Variants in CEP128 observed in about 807,000 individuals in gnomAD.
The protein encoded by CEP128 is centrosomal protein 128kDa.
A neutral mutation model predicts 156.7 loss-of-function variants in CEP128; 132 were observed. The ratio of observed to expected loss-of-function variants is 0.84; its 90% confidence interval spans 0.73 to 0.97. The LOEUF (loss-of-function observed/expected upper bound fraction) is 0.97, where lower values mean the gene tolerates loss of function less well. CEP128 is among the 50% of genes least tolerant of loss of function. CEP128 has a pLI of 0.00. For synonymous variants in CEP128, 469 were observed against 448.9 expected, an observed-to-expected ratio of 1.04 and a Z score of -0.57; for missense variants, 1,252 against 1,281.9, an observed-to-expected ratio of 0.98 and a Z score of 0.36.
At chr14:80,869,224 C>T (rs1254325783) in intron 8 of CEP128, among the ~76,000 whole-genome samples, 1 of 151,862 alleles carries the variant, frequency 6.6e-6, no homozygotes, top group Non-Finnish European at 1.5e-5. Flanking sequence ...TCATGTTAGG[C>T]CACAAAACAA....
intron 19 of CEP128, among the ~76,000 whole-genome samples, chr14:80,691,693 C>G (rs1159294959): frequency 6.6e-6 from 1 of 152,106 alleles, no homozygotes; most frequent in East Asian, 1.9e-4. Flanking sequence ...AACTGCACAC[C>G]TCTAGAGTTG....
intron 21 of CEP128, among the ~76,000 whole-genome samples, chr14:80,543,003 T>C (rs1889832867): frequency 6.6e-6 from 1 of 152,210 alleles, no homozygotes; most frequent in African/African-American, 2.4e-5. Flanking sequence ...CATTTTCCAT[T>C]ACTCCACACA....
At chr14:80,560,848 T>G (rs1467972866) in intron 20 of CEP128, among the ~76,000 whole-genome samples, 1 of 152,162 alleles carries the variant, frequency 6.6e-6, no homozygotes, top group East Asian at 1.9e-4. Context: ...CAGCCTATTG[T>G]GGGACCTTGT....
At chr14:80,748,168 T>C (rs1941011254) in intron 18 of CEP128, among the ~76,000 whole-genome samples, 1 of 152,158 alleles carries the variant, frequency 6.6e-6, no homozygotes, top group African/African-American at 2.4e-5. Flanking sequence ...ACTGGCTAAA[T>C]GTAGGAAATC....
intron 19 of CEP128, among the ~76,000 whole-genome samples, chr14:80,643,325 A>T (rs1157977476): frequency 3.9e-5 from 6 of 152,184 alleles, no homozygotes; most frequent in Admixed American, 3.9e-4. Flanking sequence ...GGCCATGCCC[A>T]TCAATAATGG....
intron 9 of CEP128, among the ~76,000 whole-genome samples, chr14:80,855,527 G>T (rs1029689442): frequency 6.6e-6 from 1 of 151,822 alleles, no homozygotes; most frequent in African/African-American, 2.4e-5. Context: ...TGCAAAATAT[G>T]AATATGAATA....
At chr14:80,657,901 C>T (rs1157672985) in intron 19 of CEP128, among the ~76,000 whole-genome samples, 1 of 152,074 alleles carries the variant, frequency 6.6e-6, no homozygotes, top group Non-Finnish European at 1.5e-5. Context: ...TAGCAGGATA[C>T]TAAAATGTAC....
Position 80,844,849 on chromosome 14 carries a change from G to C in CEP128, c.763-4081C>G, listed in dbSNP as rs186494370. Among the ~76,000 whole-genome samples, 29 of 147,838 alleles carry C rather than the reference G, an allele frequency of 2.0e-4. No individual in the cohort carries two copies. In the East Asian group the frequency reaches 3.9e-3, roughly 20 times the overall value. ...AGGAATTATCTTGGTGGAAGAGATG[G>C]ATGCTTTTTCTGACCTATTTTCTCC... On this transcript the variant is annotated intron_variant, in intron 9 of 24. Coordinates refer to ENST00000555265, the MANE Select transcript of CEP128 (RefSeq NM_152446.5).
intron 19 of CEP128, among the ~76,000 whole-genome samples, chr14:80,722,577 G>C (rs542197549): frequency 1.4e-4 from 21 of 151,264 alleles, no homozygotes; most frequent in African/African-American, 4.4e-4. Context: ...ATATTTTGCC[G>C]TTTTCAAGCT....
chr14:80,578,166 T>C (rs1566790444), intron 20 of CEP128, among the ~76,000 whole-genome samples: 1 of 152,214 alleles, frequency 6.6e-6, no homozygotes, highest in African/African-American at 2.4e-5. Flanking sequence ...CTGATTTTTA[T>C]AGTCTTCACT....
intron 19 of CEP128, among the ~76,000 whole-genome samples, chr14:80,584,638 T>C (rs1469327783): frequency 6.6e-6 from 1 of 152,216 alleles, no homozygotes; most frequent in East Asian, 1.9e-4. Context: ...GAAATATGGC[T>C]ACTGGGCATC....
At chr14:80,836,063 A>G in intron 12 of CEP128, 142 bp downstream of exon 12, 1 of 802,420 alleles carries the variant, frequency 1.2e-6, no homozygotes, top group Non-Finnish European at 2.0e-6. Flanking sequence ...TCAACTTATC[A>G]GAAAATGTTT....
intron 16 of CEP128, among the ~76,000 whole-genome samples, chr14:80,771,228 C>T (rs2139734834): frequency 6.6e-6 from 1 of 152,144 alleles, no homozygotes; most frequent in South Asian, 2.1e-4. Flanking sequence ...TTGTTGAATG[C>T]AATAACCCTA....
chr14:80,658,919 C>T (rs1895284667), intron 19 of CEP128, among the ~76,000 whole-genome samples: 1 of 152,118 alleles, frequency 6.6e-6, no homozygotes, highest in South Asian at 2.1e-4. Flanking sequence ...TGACAGGGGA[C>T]AGGGAGCAAC....
intron 19 of CEP128, among the ~76,000 whole-genome samples, chr14:80,619,236 A>G (rs1893359412): frequency 6.6e-6 from 1 of 152,212 alleles, no homozygotes; most frequent in Non-Finnish European, 1.5e-5. Context: ...CCAATAATTA[A>G]AAAACACTCA....
At chr14:80,821,151 G>T (rs749860269) in intron 13 of CEP128, among the ~76,000 whole-genome samples, 3 of 152,148 alleles carry the variant, frequency 2.0e-5, no homozygotes, top group African/African-American at 7.2e-5. Flanking sequence ...GTTGAATTTT[G>T]TTACTGTTTA....
At chr14:80,590,243 T>C (rs1891992732) in intron 19 of CEP128, among the ~76,000 whole-genome samples, 1 of 152,126 alleles carries the variant, frequency 6.6e-6, no homozygotes, top group African/African-American at 2.4e-5. Flanking sequence ...ACGTAACTCT[T>C]GGATTGAAGA....
Position 80,784,999 on chromosome 14 carries a change from A to G in CEP128, c.2107T>C (p.Ser703Pro), listed in dbSNP as rs1199933904. Residue 703 changes from serine to proline, a missense_variant, in exon 15 of 25, where the codon TCA (serine) becomes CCA (proline). Physicochemically the swap from Ser to Pro is moderately conservative, Grantham distance 74 (BLOSUM62 -1). Coordinates refer to ENST00000555265, the MANE Select transcript of CEP128 (RefSeq NM_152446.5). ...TGTTTTGTTTTCACACTCTGCAATG[A>G]TGATGTGAGATCTTTCAGCTCCCTC... ...HQRELKDLTSSLQSVKTKHEQ... is the reference protein window; with the variant it reads ...HQRELKDLTSPLQSVKTKHEQ... 6.2e-7 allele frequency: 1 copy of G among 1,614,142 alleles called. No individual in the cohort carries two copies. The highest frequency in any genetic ancestry group is 8.5e-7 in the Non-Finnish European group (1 of 1,179,990).
At chr14:80,864,401 AAAG>A (rs966996182) in intron 8 of CEP128, among the ~76,000 whole-genome samples, 3 of 152,190 alleles carry the variant, frequency 2.0e-5, no homozygotes, top group African/African-American at 7.2e-5. Flanking sequence ...ATATTTCAGA[AAAG>A]AAGGCTGCTC....
Sources: gnomAD v4.1 joint callset for allele counts (sites outside exome capture counted in the v4.1 genomes callset) on GRCh38, gnomAD v4.1.1 for gene constraint, MANE v1.5 for transcripts, NCBI Gene and HGNC (gene_info 2026-07-23, HGNC 2026-07-21) for gene names.